The following RCAN1 variants were observed in gnomAD, a reference collection of about 807,000 sequenced individuals.
RCAN1 encodes the protein regulator of calcineurin 1.
Under a neutral mutation model 22.9 loss-of-function variants are expected in RCAN1, and 11 were observed. That is an observed-to-expected ratio of 0.48 (90% CI 0.30 to 0.79). RCAN1 has a LOEUF of 0.79. RCAN1 is among the 30% of genes least tolerant of loss of function. The pLI is 0.06. For synonymous variants in RCAN1, 136 were observed against 142.3 expected, an observed-to-expected ratio of 0.96 and a Z score of 0.32; for missense variants, 291 against 337.8, an observed-to-expected ratio of 0.86 and a Z score of 1.09.
At position 34,614,561 on chromosome 21, in the gene RCAN1, G is replaced by A; in HGVS notation, c.252+199C>T. On this transcript the variant is annotated intron_variant, in intron 1 of 3. Transcript: ENST00000313806. The surrounding 1 kb of genome is among the most constrained non-coding windows in gnomAD (Gnocchi z 6.0). The stretch of plus-strand genomic sequence containing the variant: ...CTCTGCAGTGAGCTCCGCGCGCCCC[G>A]GGGGTGCTAGGGGACCGGGACCCTC... 1.0e-6 allele frequency: 1 copy of A among 981,862 alleles called. No homozygotes were observed. The highest frequency in any genetic ancestry group is 1.2e-6 in the Non-Finnish European group (1 of 801,382). 60.8% of individuals were successfully genotyped at this position (981,862 alleles called of 1,614,324 possible).
rs747102921 is a variant in RCAN1 at position 34,518,085 on chromosome 21, C to T, written c.758G>A (p.Ter253=). The part of the protein sequence containing the change: ...RPEYTPIHLS[*] ...AATGCGTCCTCGTCGCGTGCCAGTT[C>T]AGCTGAGGTGGATCGGCGTGTACTC... Residue 253 remains the stop codon, a stop_retained_variant, in exon 4 of 4, where the codon TGA becomes TAA. Transcript: ENST00000313806. This position sits in a 1 kb window ranked among gnomAD's most constrained non-coding sequence, Gnocchi z 4.2. The T allele has an allele frequency of 8.7e-6, 14 of 1,614,006 alleles. No individual in the cohort carries two copies. The Admixed American group carries it at 2.3e-4, about 27-fold the overall frequency.
chr21:34,603,845 T>C (rs532021386), intron 1 of RCAN1, among the ~76,000 whole-genome samples: 2 of 152,336 alleles, frequency 1.3e-5, no homozygotes, highest in Admixed American at 6.5e-5. Flanking sequence ...GTAAGTATAA[T>C]TGATTGTAAG....
At chr21:34,551,952 T>G (rs1986384561) in intron 1 of RCAN1, among the ~76,000 whole-genome samples, 2 of 152,176 alleles carry the variant, frequency 1.3e-5, no homozygotes, top group Non-Finnish European at 2.9e-5. Flanking sequence ...TGGCAGAATT[T>G]GGGACAGATG....
intron 1 of RCAN1, among the ~76,000 whole-genome samples, chr21:34,541,619 G>C (rs531245020): frequency 6.6e-6 from 1 of 152,162 alleles, no homozygotes; most frequent in African/African-American, 2.4e-5. Flanking sequence ...TCCTACCTTT[G>C]CATATTTCAT....
At chr21:34,612,742 C>T (rs1160092512) in intron 1 of RCAN1, among the ~76,000 whole-genome samples, 2 of 152,348 alleles carry the variant, frequency 1.3e-5, no homozygotes, top group East Asian at 1.9e-4. Flanking sequence ...GGCAGCTCCT[C>T]CCCTAGGTTT....
chr21:34,595,059 T>C (rs1231987973), intron 1 of RCAN1, among the ~76,000 whole-genome samples: 1 of 152,224 alleles, frequency 6.6e-6, no homozygotes, highest in Non-Finnish European at 1.5e-5. Context: ...TAGTATCTGC[T>C]TCACAGGGTT....
chr21:34,579,120 C>T (rs1056554705), intron 1 of RCAN1, among the ~76,000 whole-genome samples: 2 of 152,148 alleles, frequency 1.3e-5, no homozygotes, highest in Admixed American at 6.5e-5. Flanking sequence ...TATGGCCGGG[C>T]GCGGTGGCTC....
intron 1 of RCAN1, among the ~76,000 whole-genome samples, chr21:34,530,162 A>G (rs1985302221): frequency 6.6e-6 from 1 of 152,232 alleles, no homozygotes; most frequent in Non-Finnish European, 1.5e-5. Flanking sequence ...ACATGATAAA[A>G]CTGAACCCAG....
chr21:34,567,359 G>A (rs541974553), intron 1 of RCAN1, among the ~76,000 whole-genome samples: 2 of 152,032 alleles, frequency 1.3e-5, no homozygotes, highest in African/African-American at 4.8e-5. Flanking sequence ...AGCCGAGCGT[G>A]GGGGGCACAT....
At position 34,518,153 on chromosome 21, in the gene RCAN1, T is replaced by G; in HGVS notation, c.690A>C (p.Arg230Ser). Residue 230 changes from arginine to serine, a missense_variant, in exon 4 of 4, where the codon AGA (arginine) becomes AGC (serine). Arg to Ser is a moderately radical substitution (Grantham distance 110). Coordinates refer to ENST00000313806, the MANE Select transcript of RCAN1 (RefSeq NM_004414.7). The surrounding 1 kb of genome is among the most constrained non-coding windows in gnomAD (Gnocchi z 4.2). The stretch of plus-strand genomic sequence containing the variant: ...TAATTTTTGGCTTAGGTCTCCTCAT[T>G]CTTTCCATTTCCTCTTCTTCCTCCT... Reference protein sequence around the residue: ...QEKEEEEEMERMRRPKPKIIQ... With the variant: ...QEKEEEEEMESMRRPKPKIIQ... 1 of 1,614,246 alleles carries G rather than the reference T, an allele frequency of 6.2e-7. No individual in the cohort carries two copies. The highest frequency in any genetic ancestry group is 8.5e-7 in the Non-Finnish European group (1 of 1,180,046).
chr21:34,571,035 T>C (rs1399867441), intron 1 of RCAN1, among the ~76,000 whole-genome samples: 1 of 152,172 alleles, frequency 6.6e-6, no homozygotes, highest in African/African-American at 2.4e-5. Flanking sequence ...GGCTCAACCC[T>C]GTAATCCCAG....
chr21:34,520,401 C>G (rs189003501), intron 3 of RCAN1, among the ~76,000 whole-genome samples: 1 of 152,174 alleles, frequency 6.6e-6, no homozygotes, highest in African/African-American at 2.4e-5. Flanking sequence ...GGGGAGCACA[C>G]GCTTCCTCAA....
chr21:34,592,471 G>A (rs1261691847), intron 1 of RCAN1, among the ~76,000 whole-genome samples: 3 of 152,184 alleles, frequency 2.0e-5, no homozygotes, highest in Admixed American at 6.5e-5. Flanking sequence ...GGTGATTACA[G>A]TTCAAGCAGA....
chr21:34,608,557 C>T (rs560446953), intron 1 of RCAN1, among the ~76,000 whole-genome samples: 4 of 152,208 alleles, frequency 2.6e-5, no homozygotes, highest in Non-Finnish European at 5.9e-5. Flanking sequence ...ACCACTCCTT[C>T]AGTTCAGCCT....
At chr21:34,583,220 C>A (rs1234056640) in intron 1 of RCAN1, among the ~76,000 whole-genome samples, 1 of 150,486 alleles carries the variant, frequency 6.6e-6, no homozygotes, top group Non-Finnish European at 1.5e-5. Flanking sequence ...CTCTTGTCGC[C>A]CAGGCTAGAG....
intron 1 of RCAN1, among the ~76,000 whole-genome samples, chr21:34,563,754 C>CAAAAA (rs58299654): frequency 1.0e-3 from 46 of 44,288 alleles, no homozygotes; most frequent in African/African-American, 4.5e-3. Context: ...CTAAAAATAC[C>CAAAAA]AAAAAAAAAA....
At position 34,517,444 on chromosome 21, in the gene RCAN1, G is replaced by A. The variant is rs879236969; in HGVS notation, c.*640C>T. ...CAAGCAAGTGCTGTTGCAAAGAGTC[G>A]AGAATCCGAGAATCTGGGAAAGGTG... On this transcript the variant is annotated 3_prime_UTR_variant, in exon 4 of 4. Transcript: ENST00000313806. 1 of 152,230 alleles carries A rather than the reference G, an allele frequency of 6.6e-6. No homozygotes were observed. Among genetic ancestry groups the A allele is most frequent in the Non-Finnish European group, 1.5e-5 (1 of 68,058 alleles). The allele number at this position is 152,230 out of a possible 1,614,324, so 9.4% of individuals were successfully genotyped here.
At chr21:34,571,941 C>A (rs1284914746) in intron 1 of RCAN1, among the ~76,000 whole-genome samples, 1 of 152,108 alleles carries the variant, frequency 6.6e-6, no homozygotes, top group Non-Finnish European at 1.5e-5. Context: ...CTATCAAAGA[C>A]CTAATTTAAT....
chr21:34,518,137 G>C lies in RCAN1; in HGVS notation c.706C>G (p.Pro236Ala). 1 of 1,614,182 alleles carries C rather than the reference G, an allele frequency of 6.2e-7. No homozygotes were observed. Among genetic ancestry groups the C allele is most frequent in the Non-Finnish European group, 8.5e-7 (1 of 1,180,048 alleles). The change falls in exon 4 of 4, where the codon CCA becomes GCA. Residue 236 changes from proline to alanine, a missense_variant. Pro to Ala is a conservative substitution (Grantham distance 27). Coordinates refer to ENST00000313806, the MANE Select transcript of RCAN1 (RefSeq NM_004414.7). The surrounding 1 kb of genome is among the most constrained non-coding windows in gnomAD (Gnocchi z 4.2). The part of the protein sequence containing the change: ...EEMERMRRPK[P>A]KIIQTRRPEY... Reference sequence around the variant, plus strand: ...GGCCTCCTGGTCTGGATAATTTTTGGCTTAGGTCTCCTCATTCTTTCCATT... The same window carrying C: ...GGCCTCCTGGTCTGGATAATTTTTGCCTTAGGTCTCCTCATTCTTTCCATT...
Sources: allele counts gnomAD v4.1 joint callset (sites outside exome capture counted in the v4.1 genomes callset), GRCh38; gene constraint gnomAD v4.1.1; non-coding constraint Gnocchi (gnomAD v3.1); transcripts MANE v1.5; gene names NCBI Gene and HGNC (gene_info 2026-07-23, HGNC 2026-07-21).